Variants in SPECC1L observed in about 807,000 individuals in gnomAD.
SPECC1L encodes cytospin-A.
SPECC1L carries 40 observed loss-of-function variants against 116.8 expected under a neutral mutation model. The ratio of observed to expected loss-of-function variants is 0.34; its 90% confidence interval spans 0.27 to 0.45. SPECC1L has a LOEUF of 0.45. SPECC1L is among the 20% of genes least tolerant of loss of function. The pLI is 1.00. For missense variants in SPECC1L, 1,110 were observed against 1,373.6 expected, an observed-to-expected ratio of 0.81 and a Z score of 3.03; for synonymous variants, 504 against 500.6, an observed-to-expected ratio of 1.01 and a Z score of -0.09.
intron 3 of SPECC1L, among the ~76,000 whole-genome samples, chr22:24,310,278 A>C (rs1052081362): frequency 6.6e-6 from 1 of 152,228 alleles, no homozygotes; most frequent in Non-Finnish European, 1.5e-5. Flanking sequence ...TTTAAGGCGT[A>C]CCAGTATTTT....
At position 24,322,340 on chromosome 22, in the gene SPECC1L, G is replaced by C. The variant is rs907675222; in HGVS notation, c.1360G>C (p.Asp454His). The C allele has an allele frequency of 1.2e-6, 2 of 1,614,082 alleles. No individual in the cohort carries two copies. The highest frequency in any genetic ancestry group is 1.7e-6 in the Non-Finnish European group (2 of 1,180,052). ...ILMESLCQQS[D>H]KLEHFSRQIE... ...GATGGAGTCTTTATGTCAGCAGAGC[G>C]ATAAGTTGGAACACTTTAGTCGACA... The change falls in exon 5 of 17, where the codon GAT (aspartate) becomes CAT (histidine). Residue 454 changes from aspartate (D) to histidine (H), a missense_variant. Around this residue, in one of 4 missense-constraint regions of SPECC1L, gnomAD observed 575 missense variants for 682.4 expected, o/e 0.84. Transcript: ENST00000314328.
intron 2 of SPECC1L, 125 bp from the exon 3 acceptor site, chr22:24,302,070 A>G: frequency 1.3e-6 from 1 of 789,724 alleles, no homozygotes; most frequent in South Asian, 1.7e-5. Flanking sequence ...ATTTTTTTTC[A>G]ACTTTTCTGT....
intron 11 of SPECC1L, among the ~76,000 whole-genome samples, chr22:24,353,067 T>C (rs1407137840): frequency 2.0e-5 from 3 of 152,212 alleles, no homozygotes; most frequent in African/African-American, 7.2e-5. Flanking sequence ...AACAAAAATA[T>C]TAGAGTTCCC....
chr22:24,306,980 A>G lies in SPECC1L; in HGVS notation c.153+4596A>G, dbSNP rs996834128. Among the ~76,000 whole-genome samples the G allele has an allele frequency of 2.0e-5, 3 of 152,164 alleles. No homozygotes were observed. The East Asian group carries it at 5.8e-4, about 29-fold the overall frequency. ...CATCCATGTTGCAGCATGTGTCAGA[A>G]TTCCTTCCGTTTTTAAGGCTCAATA... On this transcript the variant is annotated intron_variant, in intron 3 of 16. Transcript: ENST00000314328.
chr22:24,311,547 GTAATCCCAGCAGT>G (rs1363605809), intron 3 of SPECC1L, among the ~76,000 whole-genome samples: 1 of 152,152 alleles, frequency 6.6e-6, no homozygotes, highest in East Asian at 1.9e-4. Context: ...GCTCACACTT[GTAATCCCAGCAGT>G]TTGGGAGGCC....
rs527676582 is a variant in SPECC1L at position 24,394,468 on chromosome 22, T to A, written c.3088-17120T>A. On this transcript the variant is annotated intron_variant, in intron 14 of 16. Coordinates refer to ENST00000314328, the MANE Select transcript of SPECC1L (RefSeq NM_015330.6). ...CAAAGAACCCCACCTCCCTATATTATCACATTGGGGATTAGGATTTCAACA... is the reference window on the plus strand; with the variant it reads ...CAAAGAACCCCACCTCCCTATATTAACACATTGGGGATTAGGATTTCAACA... Among the ~76,000 whole-genome samples the A allele has an allele frequency of 2.0e-5, 3 of 152,298 alleles. No individual in the cohort carries two copies. In the East Asian group the frequency reaches 5.8e-4, roughly 29 times the overall value.
At chr22:24,338,510 G>A in intron 10 of SPECC1L, 33 bp downstream of exon 10, 1 of 1,600,232 alleles carries the variant, frequency 6.2e-7, no homozygotes, top group Non-Finnish European at 8.6e-7. Flanking sequence ...GGCTCTTAGA[G>A]CCTCAGAATC....
Position 24,333,869 on chromosome 22 carries a change from T to C in SPECC1L, c.2397-541T>C, listed in dbSNP as rs551235670. On this transcript the variant is annotated intron_variant, in intron 8 of 16. Coordinates refer to ENST00000314328, the MANE Select transcript of SPECC1L (RefSeq NM_015330.6). The stretch of plus-strand genomic sequence containing the variant: ...CACTTACTCAGATGAAAATGGAATT[T>C]GATGGTTGCTTAACTTACTTAGGAT... Among the ~76,000 whole-genome samples the C allele has an allele frequency of 5.3e-5, 8 of 152,200 alleles. No individual in the cohort carries two copies. The South Asian group carries it at 8.3e-4, about 16-fold the overall frequency.
chr22:24,306,036 G>C (rs1020330056), intron 3 of SPECC1L, among the ~76,000 whole-genome samples: 1 of 151,858 alleles, frequency 6.6e-6, no homozygotes, highest in Non-Finnish European at 1.5e-5. Context: ...CTCCCGAGTA[G>C]CTGGGATTAC....
At position 24,330,121 on chromosome 22, in the gene SPECC1L, C is replaced by T. The variant is rs2146507152; in HGVS notation, c.2221-135C>T. 3 of 854,414 alleles carry T rather than the reference C, an allele frequency of 3.5e-6. No homozygotes were observed. In the East Asian group the frequency reaches 7.8e-5, roughly 22 times the overall value. 52.9% of individuals were successfully genotyped at this position (854,414 alleles called of 1,614,324 possible). ...GTTAGAAATAGATACTAGCAATTCT[C>T]TGGGATTAAAAAAATTAATCATCAT... is the stretch of plus-strand genomic sequence containing the variant. On this transcript the variant is annotated intron_variant, in intron 7 of 16. Transcript: ENST00000314328.
chr22:24,365,096 C>T (rs2041728895), intron 12 of SPECC1L, among the ~76,000 whole-genome samples: 1 of 152,078 alleles, frequency 6.6e-6, no homozygotes, highest in Admixed American at 6.5e-5. Context: ...CAACCTCCAC[C>T]ACCCGGGTTT....
intron 9 of SPECC1L, 104 bp from the exon 10 acceptor site, chr22:24,338,282 G>A (rs1197038093): frequency 2.4e-5 from 26 of 1,071,252 alleles, no homozygotes; most frequent in Non-Finnish European, 3.3e-5. Flanking sequence ...AGTGTCCAGC[G>A]GGGTTTGAGA....
At chr22:24,397,111 C>T (rs1172112435) in intron 14 of SPECC1L, among the ~76,000 whole-genome samples, 1 of 151,978 alleles carries the variant, frequency 6.6e-6, no homozygotes, top group African/African-American at 2.4e-5. Context: ...GTTGAGGGCT[C>T]TGGAGAGAAG....
intron 14 of SPECC1L, among the ~76,000 whole-genome samples, chr22:24,406,519 T>C (rs1055451894): frequency 6.6e-6 from 1 of 152,136 alleles, no homozygotes. Flanking sequence ...TGTGCTCCCC[T>C]GGCAGCCTGG....
intron 14 of SPECC1L, among the ~76,000 whole-genome samples, chr22:24,377,042 C>G (rs1037085945): frequency 6.6e-6 from 1 of 152,122 alleles, no homozygotes; most frequent in Non-Finnish European, 1.5e-5. Context: ...AACCACTAAT[C>G]TACTTTCTGT....
In SPECC1L at chr22:24,321,446, A is replaced by G. The variant is rs776393240; in HGVS notation, c.466A>G (p.Ser156Gly). The G allele has an allele frequency of 3.1e-6, 5 of 1,614,280 alleles. No individual in the cohort carries two copies. Among genetic ancestry groups the G allele is most frequent in the East Asian group, 4.5e-5 (2 of 44,896 alleles). The stretch of plus-strand genomic sequence containing the variant: ...CATGGCATTGGCCAAACGTTCCCGC[A>G]GTCGAACTGCTACAGAATGTGACGT... ...NDMALAKRSR[S>G]RTATECDVRM... is the part of the protein sequence containing the mutation. The change falls in exon 5 of 17, where the codon AGT (serine) becomes GGT (glycine). Residue 156 changes from serine (S) to glycine (G), a missense_variant. Ser to Gly is a moderately conservative substitution (Grantham distance 56). Around this residue, in one of 4 missense-constraint regions of SPECC1L, gnomAD observed 437 missense variants for 482.6 expected, o/e 0.91. Coordinates refer to ENST00000314328, the MANE Select transcript of SPECC1L (RefSeq NM_015330.6).
intron 3 of SPECC1L, among the ~76,000 whole-genome samples, chr22:24,307,613 G>GTA (rs2049526851): frequency 6.6e-6 from 1 of 152,060 alleles, no homozygotes; most frequent in East Asian, 1.9e-4. Flanking sequence ...GTGTGTGTGT[G>GTA]TGTATGTATG....
At chr22:24,305,792 G>A (rs1445482886) in intron 3 of SPECC1L, among the ~76,000 whole-genome samples, 1 of 152,048 alleles carries the variant, frequency 6.6e-6, no homozygotes, top group Non-Finnish European at 1.5e-5. Context: ...TACACTCCTG[G>A]TTACTTCACA....
chr22:24,310,569 C>T (rs1292355343), intron 3 of SPECC1L, among the ~76,000 whole-genome samples: 1 of 152,098 alleles, frequency 6.6e-6, no homozygotes, highest in Non-Finnish European at 1.5e-5. Context: ...TTGCATTTCT[C>T]TCATTATGAG....
Sources: gnomAD v4.1 joint callset for allele counts (sites outside exome capture counted in the v4.1 genomes callset) on GRCh38, gnomAD v4.1.1 for gene constraint, gnomAD v4.1.1 regional missense constraint, MANE v1.5 for transcripts, NCBI Gene and HGNC (gene_info 2026-07-23, HGNC 2026-07-21) for gene names.